Variants in ZFYVE9 observed in about 807,000 individuals in gnomAD.
ZFYVE9 encodes zinc finger FYVE domain-containing protein 9.
ZFYVE9 carries 43 observed loss-of-function variants against 126.7 expected under a neutral mutation model. The observed-to-expected ratio is 0.34, with a 90% CI of 0.27 to 0.44. ZFYVE9 has a LOEUF of 0.44. Among genes scored for constraint, ZFYVE9 ranks in the 20% least tolerant of loss-of-function variants. The pLI, the probability that ZFYVE9 is intolerant of heterozygous loss-of-function variation, is 1.00. For synonymous variants in ZFYVE9, 521 were observed against 597.4 expected, an observed-to-expected ratio of 0.87 and a Z score of 1.87; for missense variants, 1,476 against 1,697.0, an observed-to-expected ratio of 0.87 and a Z score of 2.29.
rs534873777 is a variant in ZFYVE9, at chr1:52,339,977, G to T, written c.3834-149G>T. On this transcript the variant is annotated intron_variant, in intron 16 of 18. Coordinates refer to ENST00000287727, the MANE Select transcript of ZFYVE9 (RefSeq NM_004799.4). ...AGTTCATGTACATTTTTATACAGTG[G>T]CTGCTTCTTGCTATGATGTGCTGCA... 23 of 646,588 alleles carry T rather than the reference G, an allele frequency of 3.6e-5. No homozygotes were observed. The South Asian group carries it at 4.3e-4, about 12-fold the overall frequency. The allele number at this position is 646,588 out of a possible 1,614,324, so 40.1% of individuals were successfully genotyped here.
intron 10 of ZFYVE9, among the ~76,000 whole-genome samples, chr1:52,283,835 T>C (rs763456386): frequency 1.3e-5 from 2 of 152,216 alleles, no homozygotes; most frequent in Non-Finnish European, 2.9e-5. Flanking sequence ...ACTTAAAATC[T>C]ATCATTTTTA....
intron 13 of ZFYVE9, among the ~76,000 whole-genome samples, chr1:52,332,001 C>T (rs1183701459): frequency 2.0e-5 from 3 of 151,716 alleles, no homozygotes; most frequent in Non-Finnish European, 4.4e-5. Context: ...ATGATGGTCT[C>T]GATCTCCTGA....
intron 13 of ZFYVE9, among the ~76,000 whole-genome samples, chr1:52,328,784 C>G (rs1646314549): frequency 6.6e-6 from 1 of 152,196 alleles, no homozygotes; most frequent in South Asian, 2.1e-4. Flanking sequence ...TTCTAGCTGA[C>G]TCATCCTATT....
chr1:52,281,596 A>C (rs1231046296), intron 9 of ZFYVE9, 65 bp from the exon 10 acceptor site: 1 of 1,563,400 alleles, frequency 6.4e-7, no homozygotes, highest in Non-Finnish European at 8.7e-7. Context: ...ATTTCTGTGC[A>C]TCTTTTTTTA....
chr1:52,259,880 A>G (rs1182070363), intron 4 of ZFYVE9, among the ~76,000 whole-genome samples: 1 of 152,222 alleles, frequency 6.6e-6, no homozygotes, highest in African/African-American at 2.4e-5. Context: ...GTCAATCGGT[A>G]CATACAGAAC....
At chr1:52,321,691 C>CA (rs1402308988) in intron 13 of ZFYVE9, among the ~76,000 whole-genome samples, 1 of 152,138 alleles carries the variant, frequency 6.6e-6, no homozygotes, top group Non-Finnish European at 1.5e-5. Context: ...TCCCAGAACT[C>CA]ACAACCTCGC....
intron 1 of ZFYVE9, among the ~76,000 whole-genome samples, chr1:52,158,664 C>T (rs1173779970): frequency 1.3e-5 from 2 of 152,182 alleles, no homozygotes; most frequent in Non-Finnish European, 2.9e-5. Flanking sequence ...CTTTTACTGC[C>T]TCCCTTCGTA....
intron 6 of ZFYVE9, among the ~76,000 whole-genome samples, chr1:52,268,209 G>T (rs921782375): frequency 2.0e-5 from 3 of 152,116 alleles, no homozygotes; most frequent in Non-Finnish European, 4.4e-5. Context: ...ATGTATTTAA[G>T]AACTCTTAAT....
chr1:52,286,854 C>T (rs1371270912), intron 10 of ZFYVE9, among the ~76,000 whole-genome samples: 1 of 152,134 alleles, frequency 6.6e-6, no homozygotes, highest in Non-Finnish European at 1.5e-5. Flanking sequence ...TCCATACTTC[C>T]ATTGTAGCCA....
At chr1:52,338,079 T>A in intron 16 of ZFYVE9, 145 bp downstream of exon 16, 1 of 1,114,016 alleles carries the variant, frequency 9.0e-7, no homozygotes, top group Non-Finnish European at 1.2e-6. Flanking sequence ...CGTAGAATTT[T>A]AAATTTCTGG....
At chr1:52,250,937 T>C (rs937692466) in intron 4 of ZFYVE9, among the ~76,000 whole-genome samples, 2 of 152,056 alleles carry the variant, frequency 1.3e-5, no homozygotes, top group African/African-American at 4.8e-5. Context: ...GTTCTGAATG[T>C]CTAGGCACAA....
intron 13 of ZFYVE9, among the ~76,000 whole-genome samples, chr1:52,309,996 C>T (rs139593786): frequency 6.6e-6 from 1 of 152,110 alleles, no homozygotes; most frequent in African/African-American, 2.4e-5. Flanking sequence ...CAGAGTCTTG[C>T]TCTCGCTCTG....
intron 1 of ZFYVE9, among the ~76,000 whole-genome samples, chr1:52,181,311 C>T (rs1644700016): frequency 2.0e-5 from 3 of 152,256 alleles, no homozygotes; most frequent in Non-Finnish European, 4.4e-5. Context: ...TCTCCAGCTC[C>T]TAACTGCGAG....
chr1:52,231,462 G>C (rs112248155), intron 2 of ZFYVE9, among the ~76,000 whole-genome samples: 7 of 151,952 alleles, frequency 4.6e-5, no homozygotes, highest in African/African-American at 1.7e-4. Flanking sequence ...AGGTTGCAGT[G>C]AGCTGAGATT....
chr1:52,280,394 A>AG (rs1645791338), intron 9 of ZFYVE9, among the ~76,000 whole-genome samples: 1 of 151,400 alleles, frequency 6.6e-6, no homozygotes, highest in Non-Finnish European at 1.5e-5. Flanking sequence ...AAAAAAAAAA[A>AG]TTAGCTAACC....
At chr1:52,329,172 A>G (rs1221984290) in intron 13 of ZFYVE9, among the ~76,000 whole-genome samples, 18 of 152,206 alleles carry the variant, frequency 1.2e-4, no homozygotes, top group Non-Finnish European at 2.6e-4. Flanking sequence ...CAAAATTTCA[A>G]TGGCCTTTTT....
chr1:52,245,112 C>T (rs1014045691), intron 4 of ZFYVE9, among the ~76,000 whole-genome samples: 9 of 151,230 alleles, frequency 6.0e-5, no homozygotes, highest in Middle Eastern at 3.4e-3. Flanking sequence ...GAGCCGAGAT[C>T]GAGATCACGC....
At chr1:52,185,645 C>T (rs533612697) in intron 1 of ZFYVE9, among the ~76,000 whole-genome samples, 14 of 152,124 alleles carry the variant, frequency 9.2e-5, no homozygotes, top group African/African-American at 2.4e-4. Flanking sequence ...TCTTGATGGC[C>T]GGGCACGGTG....
At chr1:52,203,459 A>G (rs990845010) in intron 1 of ZFYVE9, among the ~76,000 whole-genome samples, 4 of 113,710 alleles carry the variant, frequency 3.5e-5, no homozygotes, top group Non-Finnish European at 5.1e-5. Context: ...GTGGGGTTAC[A>G]GACCCGTCTT....
Sources: gnomAD v4.1 joint callset for allele counts (sites outside exome capture counted in the v4.1 genomes callset) on GRCh38, gnomAD v4.1.1 for gene constraint, MANE v1.5 for transcripts, NCBI Gene and HGNC (gene_info 2026-07-23, HGNC 2026-07-21) for gene names.